Variants in SPMIP2 observed in about 807,000 individuals in gnomAD.
SPMIP2 encodes protein SPMIP2.
At chr4:159,033,941 G>T in the SPMIP2 span, among the ~76,000 whole-genome samples, 1 of 152,126 alleles carries the variant, frequency 6.6e-6, no homozygotes, top group Admixed American at 6.5e-5. Context: ...TAGCCAACAT[G>T]GTGAAACCCC....
chr4:158,945,482 C>T, the SPMIP2 span, among the ~76,000 whole-genome samples: 1 of 152,150 alleles, frequency 6.6e-6, no homozygotes, highest in African/African-American at 2.4e-5. Context: ...AGGGCATTTC[C>T]TTTTCATCGA....
At chr4:159,013,642 C>T in the SPMIP2 span, among the ~76,000 whole-genome samples, 1 of 151,912 alleles carries the variant, frequency 6.6e-6, no homozygotes, top group African/African-American at 2.4e-5. Context: ...CATTTAACCT[C>T]AGTTACCTTC....
the SPMIP2 span, among the ~76,000 whole-genome samples, chr4:158,935,548 G>GA: frequency 2.0e-5 from 3 of 152,098 alleles, no homozygotes; most frequent in African/African-American, 7.2e-5. Context: ...AATTGTGCTT[G>GA]TTTCTCTAAT....
chr4:158,933,639 T>C, the SPMIP2 span, among the ~76,000 whole-genome samples: 1 of 152,216 alleles, frequency 6.6e-6, no homozygotes, highest in Admixed American at 6.5e-5. Context: ...ATTGTTGACA[T>C]TGCCTTCTTA....
the SPMIP2 span, among the ~76,000 whole-genome samples, chr4:158,984,817 C>A: frequency 6.6e-6 from 1 of 151,456 alleles, no homozygotes; most frequent in African/African-American, 2.4e-5. Flanking sequence ...ACACAAAAAA[C>A]CCTTCAAAAA....
the SPMIP2 span, among the ~76,000 whole-genome samples, chr4:159,031,790 T>C: frequency 6.6e-6 from 1 of 152,252 alleles, no homozygotes; most frequent in African/African-American, 2.4e-5. Context: ...AAAATTTTGA[T>C]AAATGTTGAA....
chr4:159,001,014 A>C, the SPMIP2 span, among the ~76,000 whole-genome samples: 3 of 152,310 alleles, frequency 2.0e-5, no homozygotes, highest in South Asian at 6.2e-4. Flanking sequence ...ATCTTGGGTA[A>C]ATAACTAGAA....
the SPMIP2 span, among the ~76,000 whole-genome samples, chr4:158,930,328 A>G: frequency 1.3e-4 from 20 of 151,864 alleles, no homozygotes; most frequent in African/African-American, 3.9e-4. Flanking sequence ...CCTCCCCACC[A>G]CAGCCTCCCA....
At chr4:159,040,175 T>C in the SPMIP2 span, among the ~76,000 whole-genome samples, 8 of 152,152 alleles carry the variant, frequency 5.3e-5, no homozygotes, top group African/African-American at 1.9e-4. Context: ...TATATGTATG[T>C]ATTTTTTCTT....
the SPMIP2 span, among the ~76,000 whole-genome samples, chr4:158,987,893 A>T: frequency 5.8e-4 from 89 of 152,260 alleles, no homozygotes; most frequent in Middle Eastern, 3.4e-3. Flanking sequence ...AATAACTAAG[A>T]TCAGAGCAGA....
At chr4:159,050,838 G>A in the SPMIP2 span, among the ~76,000 whole-genome samples, 11 of 151,948 alleles carry the variant, frequency 7.2e-5, no homozygotes, top group East Asian at 1.7e-3. Context: ...GCCAGGCGCC[G>A]TGGTTCACGC....
At chr4:158,970,943 C>T in the SPMIP2 span, among the ~76,000 whole-genome samples, 1 of 152,078 alleles carries the variant, frequency 6.6e-6, no homozygotes, top group African/African-American at 2.4e-5. Context: ...GAGATTGGTT[C>T]ACAATCTCAG....
chr4:158,965,895 C>T, the SPMIP2 span, among the ~76,000 whole-genome samples: 1 of 152,084 alleles, frequency 6.6e-6, no homozygotes, highest in Non-Finnish European at 1.5e-5. Flanking sequence ...TGGGTGGGGG[C>T]TGGTATTGAT....
the SPMIP2 span, among the ~76,000 whole-genome samples, chr4:158,950,281 T>C: frequency 1.3e-5 from 2 of 152,222 alleles, no homozygotes; most frequent in Non-Finnish European, 2.9e-5. Context: ...TTTGCACATA[T>C]TGAAAAATTC....
At chr4:159,005,278 T>C in the SPMIP2 span, among the ~76,000 whole-genome samples, 2 of 145,480 alleles carry the variant, frequency 1.4e-5, no homozygotes, top group African/African-American at 2.6e-5. Flanking sequence ...ACCCCATCTC[T>C]ACTAAAAATA....
chr4:159,053,351 T>C, the SPMIP2 span, among the ~76,000 whole-genome samples: 1 of 152,210 alleles, frequency 6.6e-6, no homozygotes, highest in African/African-American at 2.4e-5. Context: ...TGGTATCTAC[T>C]TGATGCTCCC....
chr4:158,982,849 G>A, the SPMIP2 span, among the ~76,000 whole-genome samples: 9 of 152,180 alleles, frequency 5.9e-5, no homozygotes, highest in East Asian at 5.8e-4. Flanking sequence ...GGCTTCAGAC[G>A]ATCAAACTAT....
At chr4:159,015,228 A>C in the SPMIP2 span, among the ~76,000 whole-genome samples, 2 of 152,214 alleles carry the variant, frequency 1.3e-5, no homozygotes, top group Admixed American at 6.5e-5. Context: ...GTCCTAACAC[A>C]CAGTAAATAT....
At chr4:159,003,913 C>A in the SPMIP2 span, among the ~76,000 whole-genome samples, 2 of 152,158 alleles carry the variant, frequency 1.3e-5, no homozygotes, top group Non-Finnish European at 2.9e-5. Flanking sequence ...ACATTCTAAC[C>A]TCGACCAGAT....
Sources: gnomAD v4.1 joint callset for allele counts (sites outside exome capture counted in the v4.1 genomes callset) on GRCh38, gnomAD v4.1.1 for gene constraint, MANE v1.5 for transcripts, NCBI Gene and HGNC (gene_info 2026-07-23, HGNC 2026-07-21) for gene names.